Variants in PDZD2 observed in about 807,000 individuals in gnomAD.
PDZD2 encodes PDZ domain-containing protein 2.
A neutral mutation model predicts 220.7 loss-of-function variants in PDZD2; 90 were observed. That is an observed-to-expected ratio of 0.41 (90% CI 0.34 to 0.49). The LOEUF is 0.49. PDZD2 is among the 20% of genes least tolerant of loss of function. The pLI is 0.28. For missense variants in PDZD2, 3,174 were observed against 3,608.5 expected (o/e 0.88, Z 3.08); for synonymous variants, 1,375 against 1,450.5 (o/e 0.95, Z 1.18).
At chr5:32,023,389 A>G (rs1356627024) in intron 6 of PDZD2, among the ~76,000 whole-genome samples, 3 of 152,200 alleles carry the variant, frequency 2.0e-5, no homozygotes, top group African/African-American at 7.2e-5. Flanking sequence ...CAACAACCCA[A>G]AAGACCAAAA....
intron 1 of PDZD2, among the ~76,000 whole-genome samples, chr5:31,745,626 G>A (rs1750553671): frequency 6.6e-6 from 1 of 152,148 alleles, no homozygotes; most frequent in South Asian, 2.1e-4. Context: ...TTTGCAAAAA[G>A]CATTCCATTA....
intron 2 of PDZD2, chr5:31,840,465 A>T (rs1757234689): frequency 1.0e-5 from 2 of 198,828 alleles, no homozygotes; most frequent in Admixed American, 7.2e-5. Flanking sequence ...TATAGTCCAG[A>T]GGTCTTTTTT....
intron 1 of PDZD2, among the ~76,000 whole-genome samples, chr5:31,684,058 A>G (rs1157536656): frequency 6.6e-6 from 1 of 152,128 alleles, no homozygotes; most frequent in Non-Finnish European, 1.5e-5. Flanking sequence ...CCTCAACACC[A>G]GTTATCAAAG....
At chr5:31,936,369 T>G in intron 2 of PDZD2, 1 of 984,784 alleles carries the variant, frequency 1.0e-6, no homozygotes, top group Non-Finnish European at 1.2e-6. Flanking sequence ...ACCTGAGTGG[T>G]GAAGAGAATC....
intron 2 of PDZD2, among the ~76,000 whole-genome samples, chr5:31,966,840 T>G (rs1278905718): frequency 6.6e-6 from 1 of 152,090 alleles, no homozygotes; most frequent in East Asian, 1.9e-4. Context: ...CCATCGTAGA[T>G]TAGGGGACTT....
chr5:31,866,963 G>A (rs566567411), intron 2 of PDZD2, among the ~76,000 whole-genome samples: 6 of 152,266 alleles, frequency 3.9e-5, no homozygotes, highest in South Asian at 2.1e-4. Flanking sequence ...TTCATCCTTC[G>A]AAGGTGAAGT....
chr5:32,110,793 ATATT>A lies in PDZD2; in HGVS notation c.*2659_*2662del, dbSNP rs1237478972. Reference sequence around the variant, plus strand: ...ATTTATGTAAAGTAAAATGCCTTATATATTAAAGAGTAAGTGCAATAATATGAAA... The same window carrying A: ...ATTTATGTAAAGTAAAATGCCTTATAAAAGAGTAAGTGCAATAATATGAAA... On this transcript the variant is annotated 3_prime_UTR_variant, in exon 25 of 25. Transcript: ENST00000438447. 6.6e-6 allele frequency: 1 copy of A among 152,620 alleles called. No individual in the cohort carries two copies. The highest frequency in any genetic ancestry group is 6.5e-5 in the Admixed American group (1 of 15,278). 9.5% of individuals were successfully genotyped at this position (152,620 alleles called of 1,614,324 possible).
chr5:31,780,962 C>T (rs756831643), intron 1 of PDZD2, among the ~76,000 whole-genome samples: 5 of 152,204 alleles, frequency 3.3e-5, no homozygotes, highest in Non-Finnish European at 5.9e-5. Context: ...TTCTAGAAGG[C>T]GTCACCTCAT....
rs75398745 is a variant in PDZD2 at position 31,902,499 on chromosome 5, T to C, written c.477-80656T>C. 2.7e-3 allele frequency among the ~76,000 whole-genome samples: 405 copies of C among 151,348 alleles called. 2 individuals carry two copies. Among genetic ancestry groups the C allele is most frequent in the African/African-American group, 9.4e-3 (388 of 41,376 alleles). ...GATACTTTTTTTTCTTTTTTTTTTT[T>C]TCAGACAGATTCTCATTCTGTCGCC... On this transcript the variant is annotated intron_variant, in intron 2 of 24. Transcript: ENST00000438447.
At chr5:32,050,266 A>T (rs752957124) in intron 8 of PDZD2, among the ~76,000 whole-genome samples, 13 of 152,290 alleles carry the variant, frequency 8.5e-5, no homozygotes, top group African/African-American at 3.1e-4. Flanking sequence ...GAGGGTTTAC[A>T]GCCATCATGG....
intron 1 of PDZD2, among the ~76,000 whole-genome samples, chr5:31,764,478 G>T (rs912649668): frequency 1.3e-5 from 2 of 152,176 alleles, no homozygotes; most frequent in Admixed American, 6.5e-5. Flanking sequence ...TCGAGTCAAA[G>T]CCCCTCCTGC....
At chr5:31,992,719 T>C (rs955844796) in intron 3 of PDZD2, among the ~76,000 whole-genome samples, 6 of 152,124 alleles carry the variant, frequency 3.9e-5, no homozygotes, top group African/African-American at 1.4e-4. Flanking sequence ...CTAAGAATGG[T>C]CCTTGTTGCT....
chr5:31,664,361 G>T (rs1745897086), intron 1 of PDZD2, among the ~76,000 whole-genome samples: 1 of 151,936 alleles, frequency 6.6e-6, no homozygotes, highest in Non-Finnish European at 1.5e-5. Context: ...CTCACAAACA[G>T]CCTAGTGCAG....
At chr5:31,834,671 G>C (rs532059945) in intron 2 of PDZD2, among the ~76,000 whole-genome samples, 13 of 143,980 alleles carry the variant, frequency 9.0e-5, no homozygotes, top group Non-Finnish European at 1.8e-4. Context: ...AAAAATCAGT[G>C]ATTAGGGAAC....
chr5:31,651,758 A>C (rs1745358141), intron 1 of PDZD2, among the ~76,000 whole-genome samples: 1 of 151,946 alleles, frequency 6.6e-6, no homozygotes, highest in East Asian at 1.9e-4. Flanking sequence ...CAGCCTCCTG[A>C]GTAGCTGGGA....
At chr5:31,758,899 G>A (rs1751456844) in intron 1 of PDZD2, among the ~76,000 whole-genome samples, 1 of 152,098 alleles carries the variant, frequency 6.6e-6, no homozygotes, top group Non-Finnish European at 1.5e-5. Flanking sequence ...AAAGCATCCT[G>A]CTGTTCCGCA....
intron 7 of PDZD2, among the ~76,000 whole-genome samples, chr5:32,039,745 C>G (rs571721392): frequency 6.4e-5 from 9 of 140,246 alleles, no homozygotes; most frequent in Non-Finnish European, 4.5e-5. Flanking sequence ...TGCCTCTGCC[C>G]GGCCGCCACC....
At chr5:31,951,276 C>T (rs933232552) in intron 2 of PDZD2, among the ~76,000 whole-genome samples, 2 of 152,074 alleles carry the variant, frequency 1.3e-5, no homozygotes, top group Non-Finnish European at 2.9e-5. Context: ...CTTTGTTGCC[C>T]AGAATGAACT....
intron 1 of PDZD2, among the ~76,000 whole-genome samples, chr5:31,743,226 T>C (rs1372296942): frequency 2.0e-5 from 3 of 151,640 alleles, no homozygotes. Flanking sequence ...CAGGCTGGAG[T>C]GCAGTGGCAC....
Sources: allele counts gnomAD v4.1 joint callset (sites outside exome capture counted in the v4.1 genomes callset), GRCh38; gene constraint gnomAD v4.1.1; transcripts MANE v1.5; gene names NCBI Gene and HGNC (gene_info 2026-07-23, HGNC 2026-07-21).